Variants in LIMCH1 observed in about 807,000 individuals in gnomAD.
LIMCH1 encodes LIM and calponin homology domains 1.
Under a neutral mutation model 176.5 loss-of-function variants are expected in LIMCH1, and 113 were observed. The ratio of observed to expected loss-of-function variants is 0.64; its 90% CI spans 0.55 to 0.75. The LOEUF (loss-of-function observed/expected upper bound fraction) is 0.75, where lower values mean the gene tolerates loss of function less well. Ranked by LOEUF, LIMCH1 falls within the 30% of genes least tolerant of loss-of-function variation. The probability of loss-of-function intolerance (pLI) is 0.00; values close to 1 mark genes in which losing one functional copy is unlikely to be tolerated. For missense variants in LIMCH1, 1,674 were observed against 1,814.9 expected, an observed-to-expected ratio of 0.92 and a Z score of 1.41; for synonymous variants, 619 against 645.9, an observed-to-expected ratio of 0.96 and a Z score of 0.63.
intron 1 of LIMCH1, chr4:41,388,983 T>A (rs1414856706): frequency 6.6e-6 from 1 of 152,238 alleles, no homozygotes; most frequent in Non-Finnish European, 1.5e-5. Flanking sequence ...GGTATTTGAT[T>A]ATTAAAACAT....
intron 1 of LIMCH1, among the ~76,000 whole-genome samples, chr4:41,429,858 C>A (rs1043252828): frequency 6.9e-6 from 1 of 144,048 alleles, no homozygotes; most frequent in African/African-American, 2.7e-5. Flanking sequence ...CCCCTGTCAC[C>A]AGTTACAAGG....
intron 3 of LIMCH1, among the ~76,000 whole-genome samples, chr4:41,525,723 A>AAATAATATATAAGT (rs1245537323): frequency 3.9e-5 from 6 of 152,108 alleles, no homozygotes; most frequent in African/African-American, 9.6e-5. Context: ...TCTATAAAAT[A>AAATAATATATAAGT]AATAATATAT....
rs907304757 is a variant in LIMCH1, at chr4:41,699,915, A to G, written c.*2730A>G. On this transcript the variant is annotated 3_prime_UTR_variant, in exon 32 of 32. Transcript: ENST00000503057. ...TGGGCCAGTGTTCTATATCGGTTAT[A>G]CTAACTTTCATTTAAAGTATTTATT... 7.2e-5 allele frequency: 11 copies of G among 152,208 alleles called. No homozygotes were observed. Among genetic ancestry groups the G allele is most frequent in the African/African-American group, 2.7e-4 (11 of 41,454 alleles). 9.4% of individuals were successfully genotyped at this position (152,208 alleles called of 1,614,324 possible). A position where few individuals can be genotyped will look rare whatever the true frequency, so the allele number is the denominator to read the frequency against.
intron 25 of LIMCH1, among the ~76,000 whole-genome samples, chr4:41,681,964 G>GTCATAGAAGATGGA (rs1363065629): frequency 6.6e-6 from 1 of 152,176 alleles, no homozygotes; most frequent in African/African-American, 2.4e-5. Context: ...CCCAAATAAG[G>GTCATAGAAGATGGA]TCATAGAAGA....
intron 3 of LIMCH1, 60 bp downstream of exon 3, chr4:41,603,965 T>G: frequency 7.1e-7 from 1 of 1,411,026 alleles, no homozygotes; most frequent in Non-Finnish European, 1.0e-6. Context: ...ATTTAGCTAA[T>G]TCAGTGTTTC....
At chr4:41,596,048 C>CAAAAAAAAAAAAAAAAAAAAAAAAA (rs1452167402) in intron 1 of LIMCH1, among the ~76,000 whole-genome samples, 2 of 100,664 alleles carry the variant, frequency 2.0e-5, no homozygotes, top group African/African-American at 1.4e-4. Flanking sequence ...GACTCCATCT[C>CAAAAAAAAAAAAAAAAAAAAAAAAA]AAAAAAAAAA....
At chr4:41,651,027 A>G (rs769531426) in intron 18 of LIMCH1, among the ~76,000 whole-genome samples, 9 of 151,826 alleles carry the variant, frequency 5.9e-5, no homozygotes, top group Non-Finnish European at 1.0e-4. Flanking sequence ...ATTTTTCGAG[A>G]TGGAAATTCG....
chr4:41,458,247 A>C (rs1234024761), intron 1 of LIMCH1, among the ~76,000 whole-genome samples: 2 of 152,208 alleles, frequency 1.3e-5, no homozygotes, highest in Admixed American at 1.3e-4. Flanking sequence ...TTCTTTTTGC[A>C]CATTAATCTT....
intron 20 of LIMCH1, 149 bp downstream of exon 20, chr4:41,663,133 T>TAGTGTGTGTGTGTG: frequency 8.7e-6 from 5 of 571,542 alleles, no homozygotes; most frequent in Admixed American, 3.8e-5. Flanking sequence ...TTTTTCTTTT[T>TAGTGTGTGTGTGTG]CGTGTGTGTG....
chr4:41,414,214 T>C (rs1033698346), intron 1 of LIMCH1, among the ~76,000 whole-genome samples: 3 of 152,102 alleles, frequency 2.0e-5, no homozygotes, highest in Non-Finnish European at 4.4e-5. Context: ...AAACCACTGA[T>C]CACTGACAGA....
At chr4:41,430,285 C>G (rs1319879814) in intron 1 of LIMCH1, among the ~76,000 whole-genome samples, 1 of 152,096 alleles carries the variant, frequency 6.6e-6, no homozygotes, top group Admixed American at 6.5e-5. Context: ...TTTTTTGAGA[C>G]AGAGTCTTGC....
chr4:41,461,376 AAG>A (rs2154153221), intron 1 of LIMCH1, among the ~76,000 whole-genome samples: 1 of 152,298 alleles, frequency 6.6e-6, no homozygotes, highest in African/African-American at 2.4e-5. Context: ...AAAACGACTA[AAG>A]AGGTTTTGCC....
chr4:41,415,682 A>G (rs1282598747), intron 1 of LIMCH1, among the ~76,000 whole-genome samples: 2 of 152,080 alleles, frequency 1.3e-5, no homozygotes, highest in East Asian at 1.9e-4. Context: ...GTACATGTCC[A>G]TTATTATGCT....
Position 41,603,736 on chromosome 4 carries a change from T to TG in LIMCH1, c.-133-139_-133-138insG, listed in dbSNP as rs2090305941. On this transcript the variant is annotated intron_variant, in intron 2 of 31. Coordinates refer to ENST00000503057, the MANE Select transcript of LIMCH1 (RefSeq NM_001330672.2). ...TATTCAGTGCCCGAAATCACAAAAC[T>TG]TAAGCCTTAAAAAATAATACATTCT... 5.9e-5 allele frequency: 34 copies of TG among 577,636 alleles called. No homozygotes were observed. The East Asian group carries it at 9.6e-4, about 16-fold the overall frequency. The allele number at this position is 577,636 out of a possible 1,614,324, so 35.8% of individuals were successfully genotyped here.
intron 2 of LIMCH1, among the ~76,000 whole-genome samples, chr4:41,497,331 GCTT>G (rs754066769): frequency 2.7e-5 from 4 of 150,178 alleles, no homozygotes; most frequent in Non-Finnish European, 4.4e-5. Context: ...AAAAAAAAAA[GCTT>G]CATCATTTTC....
intron 1 of LIMCH1, among the ~76,000 whole-genome samples, chr4:41,455,950 C>T (rs1291752969): frequency 1.3e-5 from 2 of 152,182 alleles, no homozygotes; most frequent in African/African-American, 4.8e-5. Flanking sequence ...AAATTACTTA[C>T]CTGGTTAGTG....
chr4:41,679,709 C>A (rs930275347), intron 23 of LIMCH1, among the ~76,000 whole-genome samples: 1 of 152,130 alleles, frequency 6.6e-6, no homozygotes, highest in Non-Finnish European at 1.5e-5. Context: ...TTTAGCACAC[C>A]TGGAACAAAA....
chr4:41,565,784 C>T (rs2082687556), intron 1 of LIMCH1, among the ~76,000 whole-genome samples: 1 of 152,154 alleles, frequency 6.6e-6, no homozygotes, highest in African/African-American at 2.4e-5. Context: ...TCTGTTGCTG[C>T]TCCACCTGTG....
At chr4:41,540,463 A>G (rs2152471370) in intron 1 of LIMCH1, among the ~76,000 whole-genome samples, 2 of 152,298 alleles carry the variant, frequency 1.3e-5, no homozygotes, top group Middle Eastern at 3.4e-3. Context: ...AACGGGCCAG[A>G]TGCAGTGGCT....
Sources: allele counts gnomAD v4.1 joint callset (sites outside exome capture counted in the v4.1 genomes callset), GRCh38; gene constraint gnomAD v4.1.1; transcripts MANE v1.5; gene names NCBI Gene and HGNC (gene_info 2026-07-23, HGNC 2026-07-21).